The following DAO variants were observed in gnomAD, a reference collection of about 807,000 sequenced individuals.
DAO encodes the protein D-amino-acid oxidase.
A neutral mutation model predicts 50.1 loss-of-function variants in DAO; 51 were observed. The ratio of observed to expected loss-of-function variants is 1.02; its 90% confidence interval spans 0.81 to 1.29. The LOEUF (loss-of-function observed/expected upper bound fraction) is 1.29, where lower values mean the gene tolerates loss of function less well. DAO is among the 50% of genes most tolerant of loss of function. The pLI, the probability that DAO is intolerant of heterozygous loss-of-function variation, is 0.00. For missense variants in DAO, 436 were observed against 439.4 expected (o/e 0.99, Z 0.07); for synonymous variants, 160 against 166.2 (o/e 0.96, Z 0.29).
chr12:108,883,994 G>A (rs2039407840), intron 1 of DAO, among the ~76,000 whole-genome samples: 1 of 152,232 alleles, frequency 6.6e-6, no homozygotes, highest in African/African-American at 2.4e-5. Flanking sequence ...TGGCTCTTCT[G>A]GGCACAAATA....
chr12:108,889,577 G>T, intron 4 of DAO, 32 bp downstream of exon 4: 2 of 1,564,224 alleles, frequency 1.3e-6, no homozygotes, highest in Admixed American at 1.7e-5. Context: ...AAGGGGACTG[G>T]GGCCTGACGA....
At chr12:108,896,346 C>A (rs547808675) in intron 7 of DAO, among the ~76,000 whole-genome samples, 2 of 142,826 alleles carry the variant, frequency 1.4e-5, no homozygotes, top group African/African-American at 5.2e-5. Context: ...TCGCTTGAAC[C>A]CGGGAGGCAG....
At chr12:108,891,218 G>A (rs550617519) in intron 5 of DAO, among the ~76,000 whole-genome samples, 37 of 152,220 alleles carry the variant, frequency 2.4e-4, no homozygotes, top group African/African-American at 8.2e-4. Context: ...AGAGGCCGAG[G>A]TGGGCAGATC....
At chr12:108,888,858 A>T (rs1295315157) in intron 3 of DAO, among the ~76,000 whole-genome samples, 5 of 152,102 alleles carry the variant, frequency 3.3e-5, no homozygotes, top group Admixed American at 3.3e-4. Context: ...CCTTACCATA[A>T]ATAGGGGTTA....
Position 108,900,902 on chromosome 12 carries a change from A to G in DAO, c.*367A>G, listed in dbSNP as rs2039616025. The G allele has an allele frequency of 3.5e-6, 1 of 287,946 alleles. No individual in the cohort carries two copies. Among genetic ancestry groups the G allele is most frequent in the Non-Finnish European group, 6.7e-6 (1 of 148,538 alleles). The allele number at this position is 287,946 out of a possible 1,614,324, so 17.8% of individuals were successfully genotyped here. A position where few individuals can be genotyped will look rare whatever the true frequency, so the allele number is the denominator to read the frequency against. On this transcript the variant is annotated 3_prime_UTR_variant, in exon 11 of 11. Coordinates refer to ENST00000228476, the MANE Select transcript of DAO (RefSeq NM_001917.5). Reference sequence around the variant, plus strand: ...ATTACAAGTTGTACTAACATATTAAAGGTTCTGAAAAGTCCTGCAGCAAAG... The same window carrying G: ...ATTACAAGTTGTACTAACATATTAAGGGTTCTGAAAAGTCCTGCAGCAAAG...
chr12:108,883,304 G>A (rs1251432359), intron 1 of DAO, among the ~76,000 whole-genome samples: 1 of 152,054 alleles, frequency 6.6e-6, no homozygotes, highest in Non-Finnish European at 1.5e-5. Context: ...CTGCCACCGC[G>A]CCTGGCTAAT....
intron 7 of DAO, among the ~76,000 whole-genome samples, chr12:108,894,705 TTG>T (rs1264274198): frequency 1.3e-5 from 2 of 152,090 alleles, no homozygotes; most frequent in Non-Finnish European, 2.9e-5. Flanking sequence ...TAATTATTAA[TTG>T]TGTTATTATT....
At chr12:108,890,779 G>A (rs1300908355) in intron 5 of DAO, among the ~76,000 whole-genome samples, 1 of 152,220 alleles carries the variant, frequency 6.6e-6, no homozygotes, top group South Asian at 2.1e-4. Context: ...AGATACATTG[G>A]TATTTATATT....
rs373922308 is a variant in DAO, at chr12:108,900,231, C to T, written c.913-173C>T. On this transcript the variant is annotated intron_variant, in intron 10 of 10. Coordinates refer to ENST00000228476, the MANE Select transcript of DAO (RefSeq NM_001917.5). ...GTGGCTGCCCCATCATCTCTTGCAA[C>T]TGTTCCAGGGGGTCCCCACCATTCC... 2.0e-3 allele frequency: 1,401 copies of T among 690,116 alleles called. 19 individuals are homozygous for T. The highest frequency in any genetic ancestry group is 0.016 in the South Asian group (936 of 59,150). The allele number at this position is 690,116 out of a possible 1,614,324, so 42.7% of individuals were successfully genotyped here. A position where few individuals can be genotyped will look rare whatever the true frequency, so the allele number is the denominator to read the frequency against.
chr12:108,888,731 G>GC (rs1223554887), intron 3 of DAO, among the ~76,000 whole-genome samples: 65 of 152,246 alleles, frequency 4.3e-4, no homozygotes, highest in African/African-American at 1.5e-3. Context: ...ACTATGCTCT[G>GC]TTGTCTGACA....
At position 108,893,081 on chromosome 12, in the gene DAO, G is replaced by A. The variant is rs935540813; in HGVS notation, c.507+45G>A. The A allele has an allele frequency of 5.1e-6, 8 of 1,569,066 alleles. No homozygotes were observed. In the South Asian group the frequency reaches 7.8e-5, roughly 15 times the overall value. On this transcript the variant is annotated intron_variant, in intron 6 of 10. Transcript: ENST00000228476. ...CGGTGGATGGGGCAGGGAGAAGAGG[G>A]GAGGCCTCTGCTTCTTGCTGCTGAG...
intron 1 of DAO, among the ~76,000 whole-genome samples, chr12:108,881,089 A>G (rs1256228556): frequency 6.6e-6 from 1 of 151,884 alleles, no homozygotes; most frequent in East Asian, 1.9e-4. Flanking sequence ...CTGCATCTAC[A>G]GGTGTCTGGC....
chr12:108,899,897 G>A, intron 10 of DAO: 1 of 314,062 alleles, frequency 3.2e-6, no homozygotes, highest in Non-Finnish European at 6.1e-6. Context: ...ATCAATGGCA[G>A]TGTTAATGAT....
intron 8 of DAO, 60 bp from the exon 9 acceptor site, chr12:108,898,619 C>T (rs2039587652): frequency 4.4e-6 from 5 of 1,147,102 alleles, no homozygotes; most frequent in Non-Finnish European, 5.3e-6. Context: ...TGGTAATGAC[C>T]TTTATTCATC....
intron 6 of DAO, 149 bp from the exon 7 acceptor site, chr12:108,894,114 C>A: frequency 1.5e-6 from 1 of 647,736 alleles, no homozygotes; most frequent in South Asian, 1.8e-5. Flanking sequence ...AAATTTGAAG[C>A]CAGGCCCCTC....
At chr12:108,896,878 G>A (rs961190822) in intron 7 of DAO, 128 bp from the exon 8 acceptor site, 1 of 751,670 alleles carries the variant, frequency 1.3e-6, no homozygotes, top group African/African-American at 1.7e-5. Flanking sequence ...TTGGGCCATA[G>A]TGTCATGAGA....
intron 2 of DAO, among the ~76,000 whole-genome samples, chr12:108,886,868 C>T (rs1434606611): frequency 6.6e-6 from 1 of 152,198 alleles, no homozygotes. Context: ...CGTTTTTCCA[C>T]GTGCTTTTGA....
chr12:108,881,804 C>G (rs898107883), intron 1 of DAO, among the ~76,000 whole-genome samples: 2 of 151,598 alleles, frequency 1.3e-5, no homozygotes, highest in African/African-American at 4.8e-5. Context: ...CAGGGTTTCA[C>G]CATATTGGCC....
Position 108,895,507 on chromosome 12 carries a change from G to T in DAO, c.612+1140G>T, listed in dbSNP as rs111205025. Among the ~76,000 whole-genome samples, 61 of 142,114 alleles carry T rather than the reference G, an allele frequency of 4.3e-4. 1 individual carries two copies. Among genetic ancestry groups the T allele is most frequent in the African/African-American group, 1.6e-3 (59 of 36,832 alleles). 93.2% of individuals were successfully genotyped at this position (142,114 alleles called of 152,430 possible). A position where few individuals can be genotyped will look rare whatever the true frequency, so the allele number is the denominator to read the frequency against. ...TGTGAGGGTGTATGTGCATATGTGT[G>T]ATGGTGTGCGTGCATGCACACCATG... On this transcript the variant is annotated intron_variant, in intron 7 of 10. Transcript: ENST00000228476.
Sources: gnomAD v4.1 joint callset for allele counts (sites outside exome capture counted in the v4.1 genomes callset) on GRCh38, gnomAD v4.1.1 for gene constraint, MANE v1.5 for transcripts, NCBI Gene and HGNC (gene_info 2026-07-23, HGNC 2026-07-21) for gene names.